The following AJAP1 variants were observed in gnomAD, a reference collection of about 807,000 sequenced individuals.
AJAP1 encodes adherens junctions associated protein 1, also known as adherens junction-associated protein 1.
In AJAP1, 5 loss-of-function variants were observed where a neutral mutation model predicts 35.0. The observed-to-expected ratio is 0.14, with a 90% CI of 0.07 to 0.30. AJAP1 has a LOEUF of 0.30. Ranked by LOEUF, AJAP1 falls within the 10% of genes least tolerant of loss-of-function variation. The pLI, the probability that AJAP1 is intolerant of heterozygous loss-of-function variation, is 1.00. For missense variants in AJAP1, 586 were observed against 571.0 expected, an observed-to-expected ratio of 1.03 and a Z score of -0.27; for synonymous variants, 284 against 249.3, an observed-to-expected ratio of 1.14 and a Z score of -1.31.
At position 4,786,059 on chromosome 1, in the gene AJAP1, G is replaced by A. The variant is rs1642156713; in HGVS notation, c.*3574G>A. 1 of 152,174 alleles carries A rather than the reference G, an allele frequency of 6.6e-6. No individual in the cohort carries two copies. The highest frequency in any genetic ancestry group is 1.9e-4 in the East Asian group (1 of 5,178). 9.4% of individuals were successfully genotyped at this position (152,174 alleles called of 1,614,324 possible). On this transcript the variant is annotated 3_prime_UTR_variant, in exon 6 of 6. Coordinates refer to ENST00000378191, the MANE Select transcript of AJAP1 (RefSeq NM_018836.4). ...TGTTTCCGAGTTTGGCGTGAGAAAG[G>A]CAGGGTTCTCCAGGCATGGTCAGGG...
At chr1:4,694,382 G>A (rs953375043) in intron 1 of AJAP1, among the ~76,000 whole-genome samples, 4 of 152,218 alleles carry the variant, frequency 2.6e-5, no homozygotes, top group Non-Finnish European at 4.4e-5. Flanking sequence ...GAAGGAAAGT[G>A]AGGCTTGGCG....
At chr1:4,753,067 A>C (rs533069757) in intron 2 of AJAP1, among the ~76,000 whole-genome samples, 1 of 124,158 alleles carries the variant, frequency 8.1e-6, no homozygotes, top group Non-Finnish European at 1.7e-5. Flanking sequence ...CAGAGAGCCT[A>C]CCATGAATCT....
chr1:4,682,105 C>T (rs1361561130), intron 1 of AJAP1, among the ~76,000 whole-genome samples: 7 of 152,230 alleles, frequency 4.6e-5, no homozygotes, highest in South Asian at 2.1e-4. Flanking sequence ...CTGTGGTCCA[C>T]TGATGATGCT....
chr1:4,689,151 C>T (rs888145072), intron 1 of AJAP1, among the ~76,000 whole-genome samples: 7 of 152,116 alleles, frequency 4.6e-5, no homozygotes, highest in Non-Finnish European at 8.8e-5. Flanking sequence ...GTGTCCAGAA[C>T]GGTCCCTGAC....
At chr1:4,742,756 G>T (rs903168970) in intron 2 of AJAP1, among the ~76,000 whole-genome samples, 1 of 152,136 alleles carries the variant, frequency 6.6e-6, no homozygotes, top group African/African-American at 2.4e-5. Flanking sequence ...AAACACAACC[G>T]TTCCCCCACC....
chr1:4,769,637 C>G (rs917805855), intron 2 of AJAP1, among the ~76,000 whole-genome samples: 1 of 152,152 alleles, frequency 6.6e-6, no homozygotes, highest in Non-Finnish European at 1.5e-5. Flanking sequence ...TGGAGCTCCC[C>G]CTTCCTGGAC....
intron 2 of AJAP1, among the ~76,000 whole-genome samples, chr1:4,718,967 T>C (rs991975843): frequency 7.9e-5 from 12 of 152,202 alleles, no homozygotes; most frequent in Non-Finnish European, 1.6e-4. Context: ...CACTGACTAG[T>C]GGGGTAGCCG....
intron 2 of AJAP1, among the ~76,000 whole-genome samples, chr1:4,757,048 C>T (rs369679981): frequency 1.4e-4 from 22 of 152,256 alleles, no homozygotes; most frequent in African/African-American, 5.3e-4. Context: ...CACAGAGGCT[C>T]ACACATGAGT....
intron 2 of AJAP1, among the ~76,000 whole-genome samples, chr1:4,742,548 G>C (rs535379797): frequency 1.3e-5 from 2 of 152,154 alleles, no homozygotes; most frequent in South Asian, 4.2e-4. Flanking sequence ...TCAGGGTTGG[G>C]GGCTCTGGGG....
chr1:4,757,145 T>C (rs1223575280), intron 2 of AJAP1, among the ~76,000 whole-genome samples: 1 of 152,212 alleles, frequency 6.6e-6, no homozygotes, highest in Admixed American at 6.5e-5. Flanking sequence ...TCTGTGTCAG[T>C]GGAGGCCGCC....
At chr1:4,694,532 A>G (rs1489903755) in intron 1 of AJAP1, among the ~76,000 whole-genome samples, 2 of 152,124 alleles carry the variant, frequency 1.3e-5, no homozygotes, top group East Asian at 3.9e-4. Flanking sequence ...TGGAGCATAA[A>G]CTCCCGAGTG....
rs1386869959 is a variant in AJAP1 at position 4,783,535 on chromosome 1, ATATATATATGTTTGTGTGTG to A, written c.*1068_*1087del. The A allele has an allele frequency of 1.4e-5, 2 of 145,478 alleles. No homozygotes were observed. Among genetic ancestry groups the A allele is most frequent in the Admixed American group, 6.9e-5 (1 of 14,462 alleles). The allele number at this position is 145,478 out of a possible 1,614,324, so 9.0% of individuals were successfully genotyped here. On this transcript the variant is annotated 3_prime_UTR_variant, in exon 6 of 6. Transcript: ENST00000378191. ...TGTTTGTGTGTGTATATATATATAT[ATATATATATGTTTGTGTGTG>A]TATATATATGTTTGTGTATATATAT...
rs748208175 is a variant in AJAP1, at chr1:4,712,542, C to T, written c.672C>T (p.Thr224=). The T allele has an allele frequency of 5.0e-6, 8 of 1,612,490 alleles. No individual in the cohort carries two copies. Among genetic ancestry groups the T allele is most frequent in the Non-Finnish European group, 6.8e-6 (8 of 1,179,456 alleles). The change falls in exon 2 of 6, where the codon ACC becomes ACT. Residue 224 remains threonine (T), a synonymous_variant. Coordinates refer to ENST00000378191, the MANE Select transcript of AJAP1 (RefSeq NM_018836.4). ...TTVAATTTTT[T]TATPMTLQTK... ...TGGCCGCCACCACCACCACCACCAC[C>T]ACGGCCACCCCCATGACGCTGCAGA...
chr1:4,677,111 C>T (rs905196127), intron 1 of AJAP1, among the ~76,000 whole-genome samples: 6 of 152,164 alleles, frequency 3.9e-5, no homozygotes, highest in Admixed American at 6.5e-5. Context: ...GAGCTGAGAT[C>T]GTGCCACCGC....
chr1:4,780,598 CT>C (rs975195955), intron 5 of AJAP1, among the ~76,000 whole-genome samples: 21 of 144,180 alleles, frequency 1.5e-4, no homozygotes, highest in African/African-American at 4.1e-4. Context: ...CGTCCCCTTT[CT>C]TTTTTTTTTC....
chr1:4,748,747 C>CAAAAAA (rs70955802), intron 2 of AJAP1, among the ~76,000 whole-genome samples: 43 of 98,282 alleles, frequency 4.4e-4, no homozygotes, highest in South Asian at 3.8e-3. Context: ...GACTCTGTCT[C>CAAAAAA]AAAAAAAAAA....
At chr1:4,737,618 G>A (rs1056584263) in intron 2 of AJAP1, among the ~76,000 whole-genome samples, 6 of 152,154 alleles carry the variant, frequency 3.9e-5, no homozygotes, top group Non-Finnish European at 7.3e-5. Flanking sequence ...TCTAGGCCAA[G>A]TGCAGTGGTT....
chr1:4,711,077 T>A (rs1390009405), intron 1 of AJAP1: 1 of 152,216 alleles, frequency 6.6e-6, no homozygotes, highest in Non-Finnish European at 1.5e-5. Flanking sequence ...GCACTGCAGA[T>A]AAACAGGGGG....
chr1:4,664,970 C>T (rs1639084137), intron 1 of AJAP1, among the ~76,000 whole-genome samples: 1 of 152,128 alleles, frequency 6.6e-6, no homozygotes, highest in African/African-American at 2.4e-5. Context: ...CTATCTGAAC[C>T]ACGATGTCAG....
Sources: gnomAD v4.1 joint callset for allele counts (sites outside exome capture counted in the v4.1 genomes callset) on GRCh38, gnomAD v4.1.1 for gene constraint, MANE v1.5 for transcripts, NCBI Gene and HGNC (gene_info 2026-07-23, HGNC 2026-07-21) for gene names.